FARP1: variants seen among roughly 807,000 people sequenced by gnomAD.
FARP1 encodes FERM, ARH/RhoGEF and pleckstrin domain protein 1.
Under a neutral mutation model 128.8 loss-of-function variants are expected in FARP1, and 52 were observed. That is an observed-to-expected ratio of 0.40 (90% CI 0.32 to 0.51). The LOEUF (loss-of-function observed/expected upper bound fraction) is 0.51, where lower values mean the gene tolerates loss of function less well. Among genes scored for constraint, FARP1 ranks in the 20% least tolerant of loss-of-function variants. FARP1 has a pLI of 0.45. For missense variants in FARP1, 1,333 were observed against 1,367.9 expected (o/e 0.97, Z 0.40); for synonymous variants, 580 against 551.8 (o/e 1.05, Z -0.72).
At chr13:98,366,857 G>C (rs1425779350) in intron 4 of FARP1, among the ~76,000 whole-genome samples, 2 of 151,966 alleles carry the variant, frequency 1.3e-5, no homozygotes, top group Non-Finnish European at 2.9e-5. Flanking sequence ...TGTACATATT[G>C]TCAACATCTT....
intron 5 of FARP1, among the ~76,000 whole-genome samples, chr13:98,372,979 C>T (rs550003113): frequency 2.9e-4 from 44 of 152,294 alleles, no homozygotes; most frequent in African/African-American, 8.9e-4. Flanking sequence ...GTTAGCATCG[C>T]GGCCAGCATG....
chr13:98,398,731 G>T (rs1005214317), intron 13 of FARP1: 1 of 152,192 alleles, frequency 6.6e-6, no homozygotes, highest in East Asian at 1.9e-4. Context: ...TTTGCTATGA[G>T]TGTTCAGTGA....
chr13:98,395,789 C>T, intron 13 of FARP1: 2 of 405,582 alleles, frequency 4.9e-6, no homozygotes, highest in Non-Finnish European at 8.7e-6. Context: ...AGCGGGAGCC[C>T]TCGACTCCCA....
At chr13:98,304,916 A>T (rs758775836) in intron 2 of FARP1, among the ~76,000 whole-genome samples, 2 of 152,160 alleles carry the variant, frequency 1.3e-5, no homozygotes, top group Non-Finnish European at 2.9e-5. Context: ...TGCCACAAAG[A>T]AATACACTTG....
rs1214145005 is a variant in FARP1, at chr13:98,165,719, T to TTG, written c.-24+22228_-24+22229insGT. On this transcript the variant is annotated intron_variant, in intron 1 of 26. Coordinates refer to ENST00000319562, the MANE Select transcript of FARP1 (RefSeq NM_005766.4). The stretch of plus-strand genomic sequence containing the variant: ...AACCCTTCCAGAAGGGGTTTTTTTT[T>TTG]TTTTTTTTTTTTTTTTTTTTTTTTG... Among the ~76,000 whole-genome samples the TTG allele has an allele frequency of 1.0e-4, 6 of 58,320 alleles. No homozygotes were observed. In the East Asian group the frequency reaches 2.6e-3, roughly 25 times the overall value. The allele number at this position is 58,320 out of a possible 152,430, so 38.3% of individuals were successfully genotyped here. A position where few individuals can be genotyped will look rare whatever the true frequency, so the allele number is the denominator to read the frequency against.
intron 2 of FARP1, among the ~76,000 whole-genome samples, chr13:98,309,153 CTTTTTTTTTTTTTTTT>C (rs56030081): frequency 4.6e-4 from 41 of 89,668 alleles, no homozygotes; most frequent in Non-Finnish European, 7.0e-4. Flanking sequence ...TTTAAGAGGC[CTTTTTTTTTTTTTTTT>C]TTTTTTTTTT....
chr13:98,448,511 C>T lies in FARP1; in HGVS notation c.*194C>T. 2 of 582,710 alleles carry T rather than the reference C, an allele frequency of 3.4e-6. No individual in the cohort carries two copies. Among genetic ancestry groups the T allele is most frequent in the Middle Eastern group, 4.3e-4 (1 of 2,348 alleles). The allele number at this position is 582,710 out of a possible 1,614,324, so 36.1% of individuals were successfully genotyped here. A position where few individuals can be genotyped will look rare whatever the true frequency, so the allele number is the denominator to read the frequency against. ...TCTGAATGAACAGCGCTCCCACCTC[C>T]AGTCCTGGCATCCGCTGGGGGCGCT... On this transcript the variant is annotated 3_prime_UTR_variant, in exon 27 of 27. Coordinates refer to ENST00000319562, the MANE Select transcript of FARP1 (RefSeq NM_005766.4).
At chr13:98,231,490 T>C (rs761156601) in intron 2 of FARP1, among the ~76,000 whole-genome samples, 210 of 152,316 alleles carry the variant, frequency 1.4e-3, no homozygotes, top group Non-Finnish European at 2.0e-3. Context: ...CAAGCTGGAG[T>C]GCAGTGGCAT....
intron 1 of FARP1, among the ~76,000 whole-genome samples, chr13:98,157,541 A>C (rs574305803): frequency 6.6e-6 from 1 of 151,704 alleles, no homozygotes; most frequent in South Asian, 2.1e-4. Context: ...TGGCGTGTTT[A>C]CTCTCCTCTC....
At chr13:98,236,051 C>T (rs1332008456) in intron 2 of FARP1, among the ~76,000 whole-genome samples, 4 of 152,030 alleles carry the variant, frequency 2.6e-5, no homozygotes, top group Admixed American at 1.3e-4. Context: ...CTCGAACTCC[C>T]GACCTCAGGT....
intron 2 of FARP1, among the ~76,000 whole-genome samples, chr13:98,339,763 A>AATAC (rs150479199): frequency 0.033 from 4,989 of 148,968 alleles, 286 homozygotes; most frequent in African/African-American, 0.12. Flanking sequence ...TGTATAAAAT[A>AATAC]ATTTTAACAG....
intron 1 of FARP1, among the ~76,000 whole-genome samples, chr13:98,202,121 C>T (rs1339241019): frequency 1.3e-5 from 2 of 152,192 alleles, no homozygotes; most frequent in African/African-American, 4.8e-5. Context: ...TGAGGAGGGC[C>T]GGGCTGGCAG....
intron 2 of FARP1, among the ~76,000 whole-genome samples, chr13:98,260,328 T>C (rs1322218185): frequency 2.6e-5 from 4 of 152,248 alleles, no homozygotes; most frequent in Non-Finnish European, 2.9e-5. Flanking sequence ...TTACTAATCA[T>C]GGGTTCACAC....
At chr13:98,231,986 C>T (rs12428140) in intron 2 of FARP1, among the ~76,000 whole-genome samples, 9,086 of 151,948 alleles carry the variant, frequency 0.06, 615 homozygotes, top group East Asian at 0.22. Context: ...CGTCACCACG[C>T]CCAGCTAATT....
chr13:98,296,688 C>CTT (rs11420681), intron 2 of FARP1, among the ~76,000 whole-genome samples: 8,324 of 123,218 alleles, frequency 0.068, 730 homozygotes, highest in African/African-American at 0.19. Context: ...ACTTAATGGC[C>CTT]TTTTTTTTTT....
Position 98,426,912 on chromosome 13 carries a change from T to C in FARP1, c.1905+2262T>C, listed in dbSNP as rs151124061. On this transcript the variant is annotated intron_variant, in intron 17 of 26. Coordinates refer to ENST00000319562, the MANE Select transcript of FARP1 (RefSeq NM_005766.4). Reference sequence around the variant, plus strand: ...AACGTATTTTATCTTTCAAAGCAATTTTAGCTTTACAGAAAACTTGAGGAG... The same window carrying C: ...AACGTATTTTATCTTTCAAAGCAATCTTAGCTTTACAGAAAACTTGAGGAG... Among the ~76,000 whole-genome samples the C allele has an allele frequency of 4.6e-5, 7 of 152,284 alleles. No individual in the cohort carries two copies. In the East Asian group the frequency reaches 1.4e-3, roughly 29 times the overall value.
rs114739965 is a variant in FARP1 at position 98,176,780 on chromosome 13, A to G, written c.-24+33288A>G. 3.5e-4 allele frequency: 558 copies of G among 1,613,722 alleles called. 5 individuals carry two copies. In the African/African-American group the frequency reaches 6.8e-3, roughly 20 times the overall value. ...TCCTTGGGCTTCAGGTACCTCAGGT[A>G]GCTGTGGATTCCCCGGTAGATGTGG... On this transcript the variant is annotated intron_variant, in intron 1 of 26. Coordinates refer to ENST00000319562, the MANE Select transcript of FARP1 (RefSeq NM_005766.4). This position sits in a 1 kb window ranked among gnomAD's most constrained non-coding sequence, Gnocchi z 6.2.
At chr13:98,423,134 A>G (rs1417806720) in intron 16 of FARP1, among the ~76,000 whole-genome samples, 1 of 152,094 alleles carries the variant, frequency 6.6e-6, no homozygotes, top group Non-Finnish European at 1.5e-5. Flanking sequence ...GCCTACTTTT[A>G]TTCTGGCCAC....
At chr13:98,301,959 A>G (rs1237147037) in intron 2 of FARP1, among the ~76,000 whole-genome samples, 2 of 91,362 alleles carry the variant, frequency 2.2e-5, no homozygotes, top group African/African-American at 3.5e-5. Flanking sequence ...TTTAAAATTC[A>G]TGATCATTTT....
Sources: gnomAD v4.1 joint callset for allele counts (sites outside exome capture counted in the v4.1 genomes callset) on GRCh38, gnomAD v4.1.1 for gene constraint, Gnocchi (gnomAD v3.1) non-coding constraint, MANE v1.5 for transcripts, NCBI Gene and HGNC (gene_info 2026-07-23, HGNC 2026-07-21) for gene names.